Variants in FBXW4 observed in about 807,000 individuals in gnomAD.
FBXW4 encodes the protein F-box and WD repeat domain containing 4, also known as F-box/WD repeat-containing protein 4.
In FBXW4, 40 loss-of-function variants were observed where a neutral mutation model predicts 61.8. The observed-to-expected ratio is 0.65, with a 90% CI of 0.50 to 0.84. The LOEUF (loss-of-function observed/expected upper bound fraction) is 0.84. Ranked by LOEUF, FBXW4 falls within the 40% of genes least tolerant of loss-of-function variation. The pLI, the probability that FBXW4 is intolerant of heterozygous loss-of-function variation, is 0.00. For missense variants in FBXW4, 672 were observed against 753.8 expected (o/e 0.89, Z 1.27); for synonymous variants, 311 against 313.8 (o/e 0.99, Z 0.10).
intron 1 of FBXW4, among the ~76,000 whole-genome samples, chr10:101,678,724 G>A (rs1282211271): frequency 6.6e-5 from 10 of 152,068 alleles, no homozygotes; most frequent in South Asian, 2.1e-4. Context: ...CACCGCGCCC[G>A]GCGAGATACA....
At chr10:101,662,932 CCT>C (rs1411613093) in intron 5 of FBXW4, among the ~76,000 whole-genome samples, 3 of 152,150 alleles carry the variant, frequency 2.0e-5, no homozygotes, top group South Asian at 2.1e-4. Context: ...CCCACCACTC[CCT>C]GTCTCAACTC....
chr10:101,673,643 A>T lies in FBXW4; in HGVS notation c.852T>A (p.Asp284Glu). The T allele has an allele frequency of 1.9e-6, 3 of 1,614,098 alleles. No homozygotes were observed. Among genetic ancestry groups the T allele is most frequent in the Non-Finnish European group, 2.5e-6 (3 of 1,179,932 alleles). ...AATTAGCCTGGGATATGTACAGAGA[A>T]TCATCCTCTAGCTGCATCCAGGGCA... Reference protein sequence around the residue: ...SQMPWMQLEDDSLYISQANFI... With the variant: ...SQMPWMQLEDESLYISQANFI... The change falls in exon 3 of 9, where the codon GAT becomes GAA. Residue 284 changes from aspartate to glutamate, a missense_variant. Transcript: ENST00000331272.
intron 1 of FBXW4, among the ~76,000 whole-genome samples, chr10:101,691,798 A>G (rs964959527): frequency 6.6e-6 from 1 of 152,206 alleles, no homozygotes; most frequent in Non-Finnish European, 1.5e-5. Flanking sequence ...AAGGAAGAGA[A>G]TAAAAAACTA....
chr10:101,617,302 T>C (rs2063832994), intron 6 of FBXW4, among the ~76,000 whole-genome samples: 2 of 152,124 alleles, frequency 1.3e-5, no homozygotes, highest in Non-Finnish European at 2.9e-5. Context: ...TCACAGACAA[T>C]GCAGCCACTC....
chr10:101,664,656 G>T (rs919954559), intron 5 of FBXW4, among the ~76,000 whole-genome samples: 1 of 152,188 alleles, frequency 6.6e-6, no homozygotes, highest in Admixed American at 6.5e-5. Flanking sequence ...GGGGCCAGAA[G>T]GAGCCCAGGA....
chr10:101,672,919 G>C lies in FBXW4; in HGVS notation c.1136C>G (p.Ala379Gly). ...IIVSGSRDRT[A>G]KVWPLASGRL... ...GTAAGGGGGAGACCACCTCACCTTG[G>C]CCGTCCTGTCCCTGGAGCCACTCAC... Residue 379 changes from alanine (A) to glycine (G), a missense_variant, in exon 4 of 9, where the codon GCC becomes GGC. Ala to Gly is a moderately conservative substitution (Grantham distance 60). Around this residue, in one of 5 missense-constraint regions of FBXW4, gnomAD observed 312 missense variants for 370.1 expected, o/e 0.84. Coordinates refer to ENST00000331272, the MANE Select transcript of FBXW4 (RefSeq NM_022039.4). 1 of 1,613,882 alleles carries C rather than the reference G, an allele frequency of 6.2e-7. No individual in the cohort carries two copies. Among genetic ancestry groups the C allele is most frequent in the Non-Finnish European group, 8.5e-7 (1 of 1,179,968 alleles).
intron 6 of FBXW4, among the ~76,000 whole-genome samples, chr10:101,612,831 A>G (rs1172409589): frequency 6.6e-6 from 1 of 152,052 alleles, no homozygotes; most frequent in Non-Finnish European, 1.5e-5. Flanking sequence ...ATGCACACAC[A>G]CACACACACT....
chr10:101,663,006 C>A (rs547155893), intron 5 of FBXW4, among the ~76,000 whole-genome samples: 2 of 152,288 alleles, frequency 1.3e-5, no homozygotes, highest in South Asian at 2.1e-4. Flanking sequence ...GCCACAGCTA[C>A]CATCCAAGAT....
At chr10:101,619,854 A>G (rs897372339) in intron 6 of FBXW4, among the ~76,000 whole-genome samples, 5 of 152,256 alleles carry the variant, frequency 3.3e-5, no homozygotes, top group Admixed American at 2.0e-4. Context: ...TGAGGGAACA[A>G]TGGTGACCCT....
rs374348313 is a variant in FBXW4 at position 101,612,365 on chromosome 10, G to A, written c.1414C>T (p.Arg472Cys). ...LLSCGYDTYV[R>C]YWDLRTSVRK... is the part of the protein sequence containing the mutation. ...ACGCTGGTGCGGAGGTCCCAGTAGC[G>A]AACATAGGTGTCATAGCCACAGGAC... Residue 472 changes from arginine (R) to cysteine (C), a missense_variant, in exon 7 of 9, where the codon CGC (arginine) becomes TGC (cysteine). Arg to Cys is a radical substitution (Grantham distance 180). Transcript: ENST00000331272. 8 of 1,590,106 alleles carry A rather than the reference G, an allele frequency of 5.0e-6. 1 individual carries two copies. Among genetic ancestry groups the A allele is most frequent in the East Asian group, 4.6e-5 (2 of 43,482 alleles).
intron 6 of FBXW4, among the ~76,000 whole-genome samples, chr10:101,619,702 G>A (rs1169324834): frequency 4.6e-5 from 7 of 151,536 alleles, no homozygotes; most frequent in Non-Finnish European, 7.4e-5. Flanking sequence ...GGACAGCCAA[G>A]CTCCTTGCCA....
chr10:101,660,299 A>G (rs985111087), intron 5 of FBXW4: 1 of 954,338 alleles, frequency 1.0e-6, no homozygotes, highest in Non-Finnish European at 1.2e-6. Context: ...CAGTGGCTAC[A>G]ATTACACACT....
At chr10:101,615,662 G>A (rs2063821497) in intron 6 of FBXW4, among the ~76,000 whole-genome samples, 1 of 152,148 alleles carries the variant, frequency 6.6e-6, no homozygotes, top group African/African-American at 2.4e-5. Context: ...CAGCTGGAGG[G>A]AGAGAACTTC....
At chr10:101,640,829 C>G (rs532122726) in intron 5 of FBXW4, among the ~76,000 whole-genome samples, 2 of 140,868 alleles carry the variant, frequency 1.4e-5, no homozygotes, top group African/African-American at 5.3e-5. Flanking sequence ...ACTCTTCCTT[C>G]CCCCACCCCC....
intron 5 of FBXW4, among the ~76,000 whole-genome samples, chr10:101,631,613 A>G (rs2063956822): frequency 6.6e-6 from 1 of 150,978 alleles, no homozygotes; most frequent in South Asian, 2.1e-4. Context: ...TTTTAAAGGG[A>G]AAAACACATT....
At chr10:101,668,691 CA>C in intron 4 of FBXW4, among the ~76,000 whole-genome samples, 1 of 152,192 alleles carries the variant, frequency 6.6e-6, no homozygotes, top group African/African-American at 2.4e-5. Context: ...CAGGAATGTA[CA>C]TTAGCAGCCA....
chr10:101,660,279 T>G, intron 5 of FBXW4: 3 of 960,010 alleles, frequency 3.1e-6, no homozygotes, highest in Non-Finnish European at 3.6e-6. Context: ...CAACACAGAT[T>G]AGGATACAGC....
At chr10:101,616,813 G>T (rs1443195138) in intron 6 of FBXW4, among the ~76,000 whole-genome samples, 1 of 152,268 alleles carries the variant, frequency 6.6e-6, no homozygotes, top group African/African-American at 2.4e-5. Context: ...CAGCCATGAG[G>T]CTTTTGAACA....
chr10:101,626,320 C>T (rs898334407), intron 5 of FBXW4: 6 of 152,644 alleles, frequency 3.9e-5, no homozygotes, highest in Non-Finnish European at 7.3e-5. Context: ...GAGGTGTTGC[C>T]CTCTCCTCCC....
Sources: gnomAD v4.1 joint callset for allele counts (sites outside exome capture counted in the v4.1 genomes callset) on GRCh38, gnomAD v4.1.1 for gene constraint, gnomAD v4.1.1 regional missense constraint, MANE v1.5 for transcripts, NCBI Gene and HGNC (gene_info 2026-07-23, HGNC 2026-07-21) for gene names.